The following OR9Q1 variants were observed in gnomAD, a reference collection of about 807,000 sequenced individuals.
OR9Q1 encodes olfactory receptor 9Q1.
For missense variants in OR9Q1, 374 were observed against 378.8 expected (o/e 0.99, Z 0.11); for synonymous variants, 153 against 148.6 (o/e 1.03, Z -0.22).
chr11:58,119,228 A>G, intron 2 of OR9Q1: 1 of 1,613,836 alleles, frequency 6.2e-7, no homozygotes, highest in Middle Eastern at 1.7e-4. Context: ...ACTGAGGTGT[A>G]ACAGGCATCC....
intron 2 of OR9Q1, chr11:58,118,769 A>T (rs769905733): frequency 1.2e-6 from 2 of 1,614,108 alleles, no homozygotes; most frequent in African/African-American, 1.3e-5. Flanking sequence ...TTCACTTTCA[A>T]AATGGTCTTG....
intron 2 of OR9Q1, chr11:58,117,280 T>G (rs1853965262): frequency 6.6e-6 from 1 of 152,186 alleles, no homozygotes; most frequent in East Asian, 1.9e-4. Flanking sequence ...AATTAAATCA[T>G]TTACCCAAAG....
intron 2 of OR9Q1, among the ~76,000 whole-genome samples, chr11:58,063,702 A>AT (rs957733260): frequency 3.4e-5 from 5 of 148,464 alleles, no homozygotes; most frequent in African/African-American, 7.7e-5. Flanking sequence ...AAGATATTTA[A>AT]TTTTTGGGGG....
chr11:58,076,180 A>G (rs1477767024), intron 2 of OR9Q1, among the ~76,000 whole-genome samples: 3 of 152,184 alleles, frequency 2.0e-5, no homozygotes, highest in African/African-American at 7.2e-5. Context: ...TTTACAAGTA[A>G]TTTTTTGTTG....
chr11:58,152,066 G>A (rs1415456150), intron 2 of OR9Q1, among the ~76,000 whole-genome samples: 1 of 152,092 alleles, frequency 6.6e-6, no homozygotes, highest in Non-Finnish European at 1.5e-5. Context: ...GAGAACAGCG[G>A]TCCTGAGTTC....
chr11:58,090,004 G>A (rs773490955), intron 2 of OR9Q1, among the ~76,000 whole-genome samples: 5 of 152,100 alleles, frequency 3.3e-5, no homozygotes, highest in African/African-American at 7.3e-5. Flanking sequence ...TTTGTATCCC[G>A]AGACTTTGCT....
chr11:58,172,745 A>G (rs768454886), intron 2 of OR9Q1, among the ~76,000 whole-genome samples: 11 of 152,224 alleles, frequency 7.2e-5, no homozygotes, highest in Non-Finnish European at 1.0e-4. Flanking sequence ...TGATACAGCC[A>G]TGCAATGCAT....
intron 2 of OR9Q1, among the ~76,000 whole-genome samples, chr11:58,092,500 CTATTT>C (rs1853694105): frequency 6.6e-6 from 1 of 151,898 alleles, no homozygotes; most frequent in African/African-American, 2.4e-5. Flanking sequence ...TTGCTATCAA[CTATTT>C]TATTTTAATT....
chr11:58,146,696 G>T (rs1590615015), intron 2 of OR9Q1, among the ~76,000 whole-genome samples: 1 of 152,182 alleles, frequency 6.6e-6, no homozygotes, highest in South Asian at 2.1e-4. Flanking sequence ...GGTCAGAAAA[G>T]GCTTCTGAGA....
chr11:58,167,721 T>A (rs1854518529), intron 2 of OR9Q1, among the ~76,000 whole-genome samples: 1 of 152,178 alleles, frequency 6.6e-6, no homozygotes, highest in South Asian at 2.1e-4. Context: ...AGTCCTTGGC[T>A]GAAACAAGTG....
At chr11:58,115,803 A>G (rs1156853747) in intron 2 of OR9Q1, among the ~76,000 whole-genome samples, 1 of 152,188 alleles carries the variant, frequency 6.6e-6, no homozygotes, top group African/African-American at 2.4e-5. Flanking sequence ...AGTTTAATAA[A>G]AATCTTTAAA....
At chr11:58,082,337 G>A (rs1309913427) in intron 2 of OR9Q1, among the ~76,000 whole-genome samples, 3 of 151,968 alleles carry the variant, frequency 2.0e-5, no homozygotes, top group Admixed American at 2.0e-4. Flanking sequence ...CAAAGATTTG[G>A]AGCCAACCCA....
intron 2 of OR9Q1, among the ~76,000 whole-genome samples, chr11:58,177,486 A>T (rs1854616782): frequency 6.6e-6 from 1 of 152,240 alleles, no homozygotes; most frequent in South Asian, 2.1e-4. Context: ...GAGTTAATAT[A>T]TAAATAATTT....
At chr11:58,056,697 T>C (rs1313602824) in intron 2 of OR9Q1, among the ~76,000 whole-genome samples, 2 of 152,206 alleles carry the variant, frequency 1.3e-5, no homozygotes, top group Non-Finnish European at 2.9e-5. Flanking sequence ...TATCTGGCTC[T>C]TTACTGAGAA....
intron 2 of OR9Q1, among the ~76,000 whole-genome samples, chr11:58,079,495 A>G (rs552287611): frequency 8.5e-5 from 13 of 152,292 alleles, no homozygotes; most frequent in African/African-American, 2.4e-4. Flanking sequence ...AAAAGTGGCC[A>G]CAATACCTCG....
At chr11:58,116,294 A>G (rs1253343441) in intron 2 of OR9Q1, among the ~76,000 whole-genome samples, 1 of 152,200 alleles carries the variant, frequency 6.6e-6, no homozygotes. Context: ...GTTTTGTGCT[A>G]TTACAACAAT....
At chr11:58,036,663 T>C (rs953469543) in intron 1 of OR9Q1, among the ~76,000 whole-genome samples, 3 of 152,216 alleles carry the variant, frequency 2.0e-5, no homozygotes, top group African/African-American at 4.8e-5. Context: ...CCAACCCTTA[T>C]GGATGACTTT....
intron 2 of OR9Q1, among the ~76,000 whole-genome samples, chr11:58,115,220 G>T (rs1853941426): frequency 6.6e-6 from 1 of 152,106 alleles, no homozygotes; most frequent in African/African-American, 2.4e-5. Flanking sequence ...CATATGTATT[G>T]ATATACGTAT....
intron 2 of OR9Q1, among the ~76,000 whole-genome samples, chr11:58,136,893 TG>T (rs1854194301): frequency 6.6e-6 from 1 of 152,186 alleles, no homozygotes; most frequent in Non-Finnish European, 1.5e-5. Context: ...AGGAGCTGGC[TG>T]TAGTAGCACA....
Sources: allele counts gnomAD v4.1 joint callset (sites outside exome capture counted in the v4.1 genomes callset), GRCh38; gene constraint gnomAD v4.1.1; transcripts MANE v1.5; gene names NCBI Gene and HGNC (gene_info 2026-07-23, HGNC 2026-07-21).